CD86: variants seen among roughly 807,000 people sequenced by gnomAD.
CD86 encodes the protein CD86 molecule.
A neutral mutation model predicts 32.1 loss-of-function variants in CD86; 11 were observed. That is an observed-to-expected ratio of 0.34 (90% CI 0.22 to 0.57). The LOEUF (loss-of-function observed/expected upper bound fraction) is 0.57, where lower values mean the gene tolerates loss of function less well. CD86 is among the 20% of genes least tolerant of loss of function. The pLI, the probability that CD86 is intolerant of heterozygous loss-of-function variation, is 0.86. For synonymous variants in CD86, 137 were observed against 135.3 expected (o/e 1.01, Z -0.09); for missense variants, 359 against 398.4 (o/e 0.90, Z 0.84).
intron 1 of CD86, chr3:122,077,918 T>C: frequency 1.0e-6 from 1 of 985,448 alleles, no homozygotes; most frequent in South Asian, 4.7e-5. Flanking sequence ...CCTTAGGAGG[T>C]ACGGGGAGCT....
chr3:122,106,226 A>G lies in CD86; in HGVS notation c.429A>G (p.Pro143=), dbSNP rs960384945. ...ACTTCAGTCAACCTGAAATAGTACCAATTTCTAATATAACAGAAAATGTGT... is the reference window on the plus strand; with the variant it reads ...ACTTCAGTCAACCTGAAATAGTACCGATTTCTAATATAACAGAAAATGTGT... The part of the protein sequence containing the change: ...LANFSQPEIV[P]ISNITENVYI... Residue 143 remains proline, a synonymous_variant, in exon 4 of 7, where the codon CCA becomes CCG. Transcript: ENST00000330540. 1 of 1,608,678 alleles carries G rather than the reference A, an allele frequency of 6.2e-7. No homozygotes were observed. The highest frequency in any genetic ancestry group is 8.5e-7 in the Non-Finnish European group (1 of 1,177,798).
chr3:122,059,731 C>G (rs927305135), intron 1 of CD86, among the ~76,000 whole-genome samples: 1 of 152,014 alleles, frequency 6.6e-6, no homozygotes, highest in Admixed American at 6.5e-5. Flanking sequence ...AATCCTAACT[C>G]CCAGGGCTTC....
chr3:122,055,411 T>A lies in CD86; in HGVS notation c.-79T>A. 1 of 1,403,380 alleles carries A rather than the reference T, an allele frequency of 7.1e-7. No homozygotes were observed. The highest frequency in any genetic ancestry group is 1.4e-5 in the African/African-American group (1 of 70,820). The allele number at this position is 1,403,380 out of a possible 1,614,324, so 86.9% of individuals were successfully genotyped here. On this transcript the variant is annotated 5_prime_UTR_variant, in exon 1 of 7. Coordinates refer to ENST00000330540, the MANE Select transcript of CD86 (RefSeq NM_175862.5). ...CAGGGTGAAAGCTTTGCTTCTCTGC[T>A]GCTGTAACAGGGACTAGCACAGACA... is the stretch of plus-strand genomic sequence containing the variant.
intron 4 of CD86, among the ~76,000 whole-genome samples, chr3:122,106,831 C>T (rs1361799003): frequency 2.9e-5 from 4 of 138,860 alleles, no homozygotes; most frequent in Non-Finnish European, 4.7e-5. Flanking sequence ...ACAACACATA[C>T]ATGCGCTTGC....
At chr3:122,094,290 T>C (rs181669861) in intron 2 of CD86, among the ~76,000 whole-genome samples, 18 of 152,350 alleles carry the variant, frequency 1.2e-4, no homozygotes, top group Non-Finnish European at 1.0e-4. Flanking sequence ...CAGGTGTCAC[T>C]TTTGCCCTTG....
intron 2 of CD86, among the ~76,000 whole-genome samples, chr3:122,095,075 T>C: frequency 6.6e-6 from 1 of 152,148 alleles, no homozygotes; most frequent in African/African-American, 2.4e-5. Context: ...GTCTGAGGGT[T>C]CTCTGGGTCC....
chr3:122,094,266 A>T (rs2072873088), intron 2 of CD86, among the ~76,000 whole-genome samples: 1 of 152,246 alleles, frequency 6.6e-6, no homozygotes, highest in African/African-American at 2.4e-5. Flanking sequence ...GAGACACTCT[A>T]TGAAAACTGA....
At chr3:122,098,601 G>A (rs1291252933) in intron 2 of CD86, among the ~76,000 whole-genome samples, 1 of 152,212 alleles carries the variant, frequency 6.6e-6, no homozygotes, top group East Asian at 1.9e-4. Flanking sequence ...TTCTGAACAG[G>A]AGGATTATGT....
intron 1 of CD86, among the ~76,000 whole-genome samples, chr3:122,074,267 C>T (rs1452355341): frequency 1.3e-5 from 2 of 152,190 alleles, no homozygotes; most frequent in Non-Finnish European, 2.9e-5. Flanking sequence ...AGGACCCAGA[C>T]AACCATCCCC....
At chr3:122,056,673 AGTAACTTT>A (rs2072243273) in intron 1 of CD86, among the ~76,000 whole-genome samples, 2 of 152,208 alleles carry the variant, frequency 1.3e-5, no homozygotes, top group African/African-American at 4.8e-5. Flanking sequence ...TGAAAATCGA[AGTAACTTT>A]CATCTACCCA....
chr3:122,111,556 G>A (rs1469244174), intron 5 of CD86, among the ~76,000 whole-genome samples: 2 of 152,222 alleles, frequency 1.3e-5, no homozygotes, highest in African/African-American at 4.8e-5. Flanking sequence ...GGAGAGATCT[G>A]AAACTTGAGA....
chr3:122,118,114 A>G (rs1248933652), intron 6 of CD86, 21 bp downstream of exon 6: 2 of 1,455,850 alleles, frequency 1.4e-6, no homozygotes, highest in African/African-American at 3.0e-5. Flanking sequence ...ACCCTGAGAC[A>G]TTGATGAGAG....
chr3:122,091,956 C>A (rs534317679), intron 2 of CD86: 58 of 301,532 alleles, frequency 1.9e-4, no homozygotes, highest in African/African-American at 1.2e-3. Context: ...TGGGGGAAGG[C>A]TGCTGCACTG....
intron 2 of CD86, among the ~76,000 whole-genome samples, chr3:122,101,769 G>A (rs2073013638): frequency 1.3e-5 from 2 of 151,990 alleles, no homozygotes; most frequent in African/African-American, 4.8e-5. Context: ...GGGCACTCTT[G>A]CATTACATTA....
intron 1 of CD86, among the ~76,000 whole-genome samples, chr3:122,074,312 T>G (rs2072528586): frequency 6.6e-6 from 1 of 152,176 alleles, no homozygotes; most frequent in African/African-American, 2.4e-5. Flanking sequence ...AAAAGCACTC[T>G]CTTCCTCTCT....
intron 1 of CD86, among the ~76,000 whole-genome samples, chr3:122,057,444 TGTTTA>T (rs763325962): frequency 9.2e-5 from 14 of 152,180 alleles, no homozygotes; most frequent in Non-Finnish European, 1.6e-4. Context: ...ATTCATAATG[TGTTTA>T]GTTAAAGGGG....
intron 1 of CD86, among the ~76,000 whole-genome samples, chr3:122,066,156 A>G (rs2072409754): frequency 1.3e-5 from 2 of 152,182 alleles, no homozygotes; most frequent in African/African-American, 4.8e-5. Flanking sequence ...CCAGTCAAGA[A>G]CCATTCAGTT....
chr3:122,115,740 C>CAAAAAAAAAAAAAAAAAAAAAAAAAA, intron 5 of CD86, among the ~76,000 whole-genome samples: 1 of 27,538 alleles, frequency 3.6e-5, no homozygotes, highest in Non-Finnish European at 6.9e-5. Flanking sequence ...AACTCCCTCT[C>CAAAAAAAAAAAAAAAAAAAAAAAAAA]AAAAAAAAAA....
chr3:122,091,582 T>A lies in CD86; in HGVS notation c.15-19T>A. 1 of 1,411,164 alleles carries A rather than the reference T, an allele frequency of 7.1e-7. No individual in the cohort carries two copies. The highest frequency in any genetic ancestry group is 9.3e-7 in the Non-Finnish European group (1 of 1,074,560). The allele number at this position is 1,411,164 out of a possible 1,614,324, so 87.4% of individuals were successfully genotyped here. A position where few individuals can be genotyped will look rare whatever the true frequency, so the allele number is the denominator to read the frequency against. ...TTCCTTTTCTAATCAAGTTTTACCT[T>A]TTTTTTTCTCGACTCTAGCACTATG... is the stretch of plus-strand genomic sequence containing the variant. On this transcript the variant is annotated intron_variant, in intron 1 of 6. Coordinates refer to ENST00000330540, the MANE Select transcript of CD86 (RefSeq NM_175862.5).
Sources: gnomAD v4.1 joint callset for allele counts (sites outside exome capture counted in the v4.1 genomes callset) on GRCh38, gnomAD v4.1.1 for gene constraint, MANE v1.5 for transcripts, NCBI Gene and HGNC (gene_info 2026-07-23, HGNC 2026-07-21) for gene names.